USP39: variants seen among roughly 807,000 people sequenced by gnomAD.
USP39 encodes ubiquitin carboxyl-terminal hydrolase 39.
Under a neutral mutation model 66.4 loss-of-function variants are expected in USP39, and 38 were observed. The observed-to-expected ratio is 0.57, with a 90% CI of 0.44 to 0.75. The LOEUF is 0.75. Among genes scored for constraint, USP39 ranks in the 30% least tolerant of loss-of-function variants. The probability of loss-of-function intolerance (pLI) is 0.00; values close to 1 mark genes in which losing one functional copy is unlikely to be tolerated. For missense variants in USP39, 608 were observed against 714.4 expected, an observed-to-expected ratio of 0.85 and a Z score of 1.70; for synonymous variants, 303 against 274.6, an observed-to-expected ratio of 1.10 and a Z score of -1.02.
At chr2:85,619,848 A>G (rs931792531) in intron 2 of USP39, among the ~76,000 whole-genome samples, 1 of 151,724 alleles carries the variant, frequency 6.6e-6, no homozygotes, top group Non-Finnish European at 1.5e-5. Flanking sequence ...TGGTCAACAT[A>G]ATGAGACCCA....
chr2:85,646,517 C>T (rs977005950), intron 11 of USP39, among the ~76,000 whole-genome samples: 4 of 152,146 alleles, frequency 2.6e-5, no homozygotes, highest in African/African-American at 9.7e-5. Flanking sequence ...AGGATTTGAC[C>T]CAGGTACTCT....
At chr2:85,613,890 G>T (rs899264037), upstream of USP39, among the ~76,000 whole-genome samples, 8 of 152,018 alleles carry the variant, frequency 5.3e-5, no homozygotes, top group Non-Finnish European at 8.8e-5. Flanking sequence ...CGATCCTCCT[G>T]CCTCAGCCTC....
intron 4 of USP39, among the ~76,000 whole-genome samples, chr2:85,624,431 G>A (rs1335388106): frequency 1.3e-5 from 2 of 151,664 alleles, no homozygotes; most frequent in African/African-American, 2.4e-5. Context: ...CTGCAGCCTC[G>A]ACCTCATGGG....
intron 3 of USP39, among the ~76,000 whole-genome samples, chr2:85,622,587 G>T (rs1674547104): frequency 6.6e-6 from 1 of 150,680 alleles, no homozygotes; most frequent in South Asian, 2.1e-4. Context: ...TTTTTGTGGA[G>T]ACAAGGCCTT....
intron 1 of USP39, among the ~76,000 whole-genome samples, chr2:85,618,343 C>T (rs1015935357): frequency 2.4e-4 from 37 of 151,792 alleles, no homozygotes; most frequent in Admixed American, 2.4e-3. Context: ...GAGGGTGGAT[C>T]GCAAGGTCAG....
chr2:85,607,876 C>T (rs371618042), upstream of USP39: 1 of 152,148 alleles, frequency 6.6e-6, no homozygotes, highest in African/African-American at 2.4e-5. Flanking sequence ...AAATGTTCAC[C>T]GGGTTAGAGC....
intron 11 of USP39, among the ~76,000 whole-genome samples, chr2:85,645,426 G>C (rs1385396343): frequency 1.3e-5 from 2 of 152,044 alleles, no homozygotes; most frequent in Non-Finnish European, 2.9e-5. Context: ...TGGGATTACA[G>C]GCGCCCATCA....
At chr2:85,619,168 G>C in intron 1 of USP39, 52 bp from the exon 2 acceptor site, 1 of 1,585,806 alleles carries the variant, frequency 6.3e-7, no homozygotes, top group South Asian at 1.1e-5. Context: ...CTGTTAGTTG[G>C]CCCTGAGTAT....
chr2:85,638,561 G>A (rs564297448), intron 8 of USP39, among the ~76,000 whole-genome samples: 5 of 151,592 alleles, frequency 3.3e-5, no homozygotes, highest in Non-Finnish European at 7.4e-5. Flanking sequence ...TTATTGAGAC[G>A]GAGTTTCACT....
At chr2:85,644,705 G>A (rs905113515) in intron 10 of USP39, among the ~76,000 whole-genome samples, 3 of 151,918 alleles carry the variant, frequency 2.0e-5, no homozygotes, top group African/African-American at 4.8e-5. Context: ...TTATAGGTAT[G>A]AGCCACTGCC....
Position 85,642,360 on chromosome 2 carries a change from A to G in USP39, c.1427+1242A>G, listed in dbSNP as rs1007558937. Among the ~76,000 whole-genome samples, 7 of 152,166 alleles carry G rather than the reference A, an allele frequency of 4.6e-5. No individual in the cohort carries two copies. The South Asian group carries it at 1.2e-3, about 27-fold the overall frequency. ...GCTTTCTTCGAAAGTCTGTGTGTCA[A>G]AGTTTTATTTCAGCACTAGCCTCTT... On this transcript the variant is annotated intron_variant, in intron 10 of 12. Coordinates refer to ENST00000323701, the MANE Select transcript of USP39 (RefSeq NM_006590.4).
intron 5 of USP39, among the ~76,000 whole-genome samples, chr2:85,628,376 A>G (rs2104285547): frequency 6.6e-6 from 1 of 152,202 alleles, no homozygotes; most frequent in African/African-American, 2.4e-5. Flanking sequence ...CGATCTCCTG[A>G]CTTCGTGATC....
At chr2:85,614,292 T>TCACTTGAGGAAC (rs1467674317), upstream of USP39, among the ~76,000 whole-genome samples, 3 of 152,010 alleles carry the variant, frequency 2.0e-5, no homozygotes, top group Admixed American at 1.3e-4. Flanking sequence ...GGCGGGCGGA[T>TCACTTGAGGAAC]CACTTGAGGT....
chr2:85,603,165 C>T, intron 1 of USP39: 1 of 152,350 alleles, frequency 6.6e-6, no homozygotes, highest in Non-Finnish European at 1.5e-5. Context: ...GAAGCAGACA[C>T]AAAGACTTGG....
At chr2:85,640,931 ACTG>A (rs760308574) in intron 9 of USP39, 42 bp from the exon 10 acceptor site, 2 of 1,556,232 alleles carry the variant, frequency 1.3e-6, no homozygotes, top group Non-Finnish European at 1.7e-6. Flanking sequence ...CTCTAATACT[ACTG>A]AACTTCAGCA....
In USP39 at chr2:85,616,409, G is replaced by T. The variant is rs1343692909; in HGVS notation, c.214G>T (p.Val72Leu). The change falls in exon 1 of 13, where the codon GTG becomes TTG. Residue 72 changes from valine to leucine, a missense_variant. Transcript: ENST00000323701. ...APASVVPFVR[V>L]KREREVDEDS... is the part of the protein sequence containing the mutation. ...GGCTTCTGTTGTCCCGTTTGTGCGG[G>T]TGAAGCGGGAGCGCGAGGTCGATGA... is the stretch of plus-strand genomic sequence containing the variant. The T allele has an allele frequency of 1.2e-6, 2 of 1,600,098 alleles. No individual in the cohort carries two copies. Among genetic ancestry groups the T allele is most frequent in the Non-Finnish European group, 1.7e-6 (2 of 1,172,884 alleles).
chr2:85,609,383 TTAC>T, upstream of USP39: 1 of 1,595,474 alleles, frequency 6.3e-7, no homozygotes, highest in Non-Finnish European at 8.6e-7. Flanking sequence ...CTGACAATGA[TTAC>T]TACCATGGCC....
chr2:85,614,979 AGTGTG>A (rs146502279), upstream of USP39, among the ~76,000 whole-genome samples: 55,276 of 144,806 alleles, frequency 0.38, 12,065 homozygotes, highest in East Asian at 0.56. Context: ...AATTGCACAC[AGTGTG>A]GTGTGGTGTG....
At chr2:85,639,647 C>A in intron 9 of USP39, 1 of 307,372 alleles carries the variant, frequency 3.3e-6, no homozygotes, top group Non-Finnish European at 6.1e-6. Flanking sequence ...GTAGAGACAG[C>A]ATGTTGGCCA....
Sources: allele counts gnomAD v4.1 joint callset (sites outside exome capture counted in the v4.1 genomes callset), GRCh38; gene constraint gnomAD v4.1.1; transcripts MANE v1.5; gene names NCBI Gene and HGNC (gene_info 2026-07-23, HGNC 2026-07-21).